P2RX1: variants seen among roughly 807,000 people sequenced by gnomAD.
P2RX1 encodes the protein P2X purinoceptor 1.
Under a neutral mutation model 50.3 loss-of-function variants are expected in P2RX1, and 42 were observed. That is an observed-to-expected ratio of 0.83 (90% CI 0.65 to 1.08). The LOEUF (loss-of-function observed/expected upper bound fraction) is 1.08, where lower values mean the gene tolerates loss of function less well. P2RX1 is among the 50% of genes least tolerant of loss of function. The probability of loss-of-function intolerance (pLI) is 0.00; values close to 1 mark genes in which losing one functional copy is unlikely to be tolerated. For missense variants in P2RX1, 449 were observed against 529.0 expected (o/e 0.85, Z 1.48); for synonymous variants, 199 against 202.6 (o/e 0.98, Z 0.15).
intron 7 of P2RX1, among the ~76,000 whole-genome samples, chr17:3,900,420 C>G (rs1311719119): frequency 2.0e-5 from 3 of 152,146 alleles, no homozygotes; most frequent in African/African-American, 7.2e-5. Flanking sequence ...CACCACTGCA[C>G]TCCAGCCTGG....
At position 3,899,664 on chromosome 17, in the gene P2RX1, T is replaced by A; in HGVS notation, c.845A>T (p.Glu282Val). 2 of 1,613,848 alleles carry A rather than the reference T, an allele frequency of 1.2e-6. No individual in the cohort carries two copies. The highest frequency in any genetic ancestry group is 1.7e-6 in the Non-Finnish European group (2 of 1,179,856). Reference sequence around the variant, plus strand: ...GTTGAAGCCTGGGGAGAGATTTTTCTCTTCGTACAGCCCATGGAACTCATA... The same window carrying A: ...GTTGAAGCCTGGGGAGAGATTTTTCACTTCGTACAGCCCATGGAACTCATA... Reference protein sequence around the residue: ...PIYEFHGLYEEKNLSPGFNFR... With the variant: ...PIYEFHGLYEVKNLSPGFNFR... The change falls in exon 8 of 12, where the codon GAG (glutamate) becomes GTG (valine). Residue 282 changes from glutamate to valine, a missense_variant. Glu to Val is a moderately radical substitution (Grantham distance 121). Transcript: ENST00000225538.
chr17:3,905,043 C>A, intron 2 of P2RX1, 114 bp from the exon 3 acceptor site: 18 of 1,117,218 alleles, frequency 1.6e-5, no homozygotes, highest in South Asian at 1.1e-4. Context: ...CACGCAGCAG[C>A]CACCACACCC....
Position 3,904,313 on chromosome 17 carries a change from G to A in P2RX1, c.427+17C>T, listed in dbSNP as rs149473625. On this transcript the variant is annotated intron_variant, in intron 4 of 11. Coordinates refer to ENST00000225538, the MANE Select transcript of P2RX1 (RefSeq NM_002558.4). ...CAGCCGGGGGACTGTGGAGGGACAG[G>A]AGGAGGCTGACCTTACCTTGGGCCT... 500 of 1,611,476 alleles carry A rather than the reference G, an allele frequency of 3.1e-4. 2 individuals are homozygous for A. The African/African-American group carries it at 6.0e-3, about 19-fold the overall frequency.
At chr17:3,910,829 C>A (rs1041537103) in intron 1 of P2RX1, among the ~76,000 whole-genome samples, 2 of 152,300 alleles carry the variant, frequency 1.3e-5, no homozygotes, top group African/African-American at 4.8e-5. Context: ...AGTGCAGGAT[C>A]TTGGTTTGTT....
Position 3,916,280 on chromosome 17 carries a change from G to C in P2RX1, c.-55C>G. On this transcript the variant is annotated 5_prime_UTR_variant, in exon 1 of 12. Coordinates refer to ENST00000225538, the MANE Select transcript of P2RX1 (RefSeq NM_002558.4). ...CCCCTGCACGGCCTCTGCTCTCAGG[G>C]TGAGCCGGGTGCCACCACCCACGTC... 4 of 1,583,782 alleles carry C rather than the reference G, an allele frequency of 2.5e-6. No homozygotes were observed. Among genetic ancestry groups the C allele is most frequent in the Non-Finnish European group, 3.4e-6 (4 of 1,162,910 alleles).
intron 1 of P2RX1, among the ~76,000 whole-genome samples, chr17:3,906,224 C>T (rs554993556): frequency 2.7e-4 from 41 of 152,284 alleles, no homozygotes; most frequent in African/African-American, 7.9e-4. Context: ...CTCCTACACC[C>T]GGGTTCAAGC....
At position 3,897,355 on chromosome 17, in the gene P2RX1, T is replaced by C. The variant is rs1266910211; in HGVS notation, c.*459A>G. 2 of 258,038 alleles carry C rather than the reference T, an allele frequency of 7.8e-6. No individual in the cohort carries two copies. The highest frequency in any genetic ancestry group is 4.4e-5 in the African/African-American group (2 of 45,616). The allele number at this position is 258,038 out of a possible 1,614,324, so 16.0% of individuals were successfully genotyped here. Reference sequence around the variant, plus strand: ...GCAGCCACTAACCACACGTATCTACTGAGCAGTTGAAATGTGGCTAGTTCA... The same window carrying C: ...GCAGCCACTAACCACACGTATCTACCGAGCAGTTGAAATGTGGCTAGTTCA... On this transcript the variant is annotated 3_prime_UTR_variant, in exon 12 of 12. Transcript: ENST00000225538.
chr17:3,916,208 C>T lies in P2RX1; in HGVS notation c.18G>A (p.Gln6=). Residue 6 remains glutamine (Q), a synonymous_variant, in exon 1 of 12, where the codon CAG becomes CAA. Coordinates refer to ENST00000225538, the MANE Select transcript of P2RX1 (RefSeq NM_002558.4). MARRF[Q]EELAAFLFEY... ...CGAAGAGGAAGGCGGCCAGCTCCTC[C>T]TGGAACCGCCGTGCCATGGTGGGCC... 6.2e-7 allele frequency: 1 copy of T among 1,611,106 alleles called. No individual in the cohort carries two copies. Among genetic ancestry groups the T allele is most frequent in the Non-Finnish European group, 8.5e-7 (1 of 1,178,410 alleles).
Position 3,897,947 on chromosome 17 carries a change from A to G in P2RX1, c.1134+62T>C, listed in dbSNP as rs369885511. 9.0e-4 allele frequency: 1,452 copies of G among 1,605,872 alleles called. 3 individuals carry two copies. The highest frequency in any genetic ancestry group is 1.2e-3 in the Non-Finnish European group (1,401 of 1,172,988). The stretch of plus-strand genomic sequence containing the variant: ...GGGGAAGCAGCTGCCCACGCCCCCC[A>G]CCCCAACACAGACACAAGCGCCGGA... On this transcript the variant is annotated intron_variant, in intron 11 of 11. Transcript: ENST00000225538.
rs1275343144 is a variant in P2RX1, at chr17:3,898,472, C to G, written c.1032+12G>C. 6.2e-7 allele frequency: 1 copy of G among 1,610,210 alleles called. No homozygotes were observed. The highest frequency in any genetic ancestry group is 8.5e-7 in the Non-Finnish European group (1 of 1,176,692). Reference sequence around the variant, plus strand: ...AACCCCAGCACAGTGAGCCGGTGACCCCAGCACTTACCACCCCAAAGATGC... The same window carrying G: ...AACCCCAGCACAGTGAGCCGGTGACGCCAGCACTTACCACCCCAAAGATGC... On this transcript the variant is annotated intron_variant, in intron 10 of 11. Coordinates refer to ENST00000225538, the MANE Select transcript of P2RX1 (RefSeq NM_002558.4).
Position 3,903,455 on chromosome 17 carries a change from C to T in P2RX1, c.605+96G>A. The T allele has an allele frequency of 6.3e-7, 1 of 1,593,156 alleles. No individual in the cohort carries two copies. Among genetic ancestry groups the T allele is most frequent in the South Asian group, 1.1e-5 (1 of 90,208 alleles). ...CTCCACATTGCCCCTTTGATTCCTT[C>T]CACGCCAGCAGGAATGGAGGGAGAC... On this transcript the variant is annotated intron_variant, in intron 6 of 11. Transcript: ENST00000225538. The surrounding 1 kb of genome is among the most constrained non-coding windows in gnomAD (Gnocchi z 4.6).
In P2RX1 at chr17:3,909,768, A is replaced by T. The variant is rs558364472; in HGVS notation, c.138-4401T>A. 3.9e-5 allele frequency among the ~76,000 whole-genome samples: 6 copies of T among 152,256 alleles called. No individual in the cohort carries two copies. In the South Asian group the frequency reaches 1.2e-3, roughly 32 times the overall value. ...AACAAAACAAACACAAAAGTGAACAAAACAAACAAAAATCTCGCACCCAAG... is the reference window on the plus strand; with the variant it reads ...AACAAAACAAACACAAAAGTGAACATAACAAACAAAAATCTCGCACCCAAG... On this transcript the variant is annotated intron_variant, in intron 1 of 11. Coordinates refer to ENST00000225538, the MANE Select transcript of P2RX1 (RefSeq NM_002558.4).
intron 7 of P2RX1, 94 bp from the exon 8 acceptor site, chr17:3,899,855 C>G: frequency 6.7e-7 from 1 of 1,489,878 alleles, no homozygotes; most frequent in Non-Finnish European, 9.3e-7. Flanking sequence ...AATCCCAGCA[C>G]TTTGGGAGGC....
rs2056417156 is a variant in P2RX1 at position 3,914,513 on chromosome 17, G to C, written c.137+1576C>G. 6.6e-6 allele frequency among the ~76,000 whole-genome samples: 1 copy of C among 152,166 alleles called. No individual in the cohort carries two copies. The highest frequency in any genetic ancestry group is 2.4e-5 in the African/African-American group (1 of 41,444). ...CCTCACACCTGCAGATCTGAAAGCA[G>C]AACTAGGGAGCCGCAGGGGCAGAGA... On this transcript the variant is annotated intron_variant, in intron 1 of 11. Coordinates refer to ENST00000225538, the MANE Select transcript of P2RX1 (RefSeq NM_002558.4). The surrounding 1 kb of genome is among the most constrained non-coding windows in gnomAD (Gnocchi z 4.1).
chr17:3,898,727 C>T (rs2056079575), intron 9 of P2RX1, among the ~76,000 whole-genome samples, 178 bp from the exon 10 acceptor site: 1 of 152,170 alleles, frequency 6.6e-6, no homozygotes, highest in African/African-American at 2.4e-5. Context: ...GGCTCTGCCT[C>T]CCTGAGCGCA....
intron 8 of P2RX1, 79 bp from the exon 9 acceptor site, chr17:3,899,103 C>T (rs2056087049): frequency 2.0e-6 from 2 of 991,638 alleles, no homozygotes; most frequent in Non-Finnish European, 3.3e-6. Context: ...ATCAGGGATA[C>T]AGGAGATTTA....
Position 3,906,131 on chromosome 17 carries a change from C to T in P2RX1, c.138-764G>A, listed in dbSNP as rs113173077. Among the ~76,000 whole-genome samples, 684 of 152,242 alleles carry T rather than the reference C, an allele frequency of 4.5e-3. 5 individuals are homozygous for T. The highest frequency in any genetic ancestry group is 0.016 in the African/African-American group (648 of 41,552). ...CTCATCTATAAAATAGGAATAATAA[C>T]GGTACTTCTTTTTTTTTTGAGACGG... On this transcript the variant is annotated intron_variant, in intron 1 of 11. Coordinates refer to ENST00000225538, the MANE Select transcript of P2RX1 (RefSeq NM_002558.4).
At chr17:3,902,609 GT>G (rs879851214) in intron 7 of P2RX1, among the ~76,000 whole-genome samples, 5 of 141,042 alleles carry the variant, frequency 3.5e-5, no homozygotes, top group Non-Finnish European at 4.7e-5. Flanking sequence ...TTTTGTTTTT[GT>G]TTTTTTTTTG....
chr17:3,898,217 C>T, intron 10 of P2RX1, 107 bp from the exon 11 acceptor site: 2 of 1,038,110 alleles, frequency 1.9e-6, no homozygotes, highest in Non-Finnish European at 3.0e-6. Flanking sequence ...CTGGATCTGA[C>T]CTCACTGGAG....
Sources: gnomAD v4.1 joint callset for allele counts (sites outside exome capture counted in the v4.1 genomes callset) on GRCh38, gnomAD v4.1.1 for gene constraint, Gnocchi (gnomAD v3.1) non-coding constraint, MANE v1.5 for transcripts, NCBI Gene and HGNC (gene_info 2026-07-23, HGNC 2026-07-21) for gene names.